The following KCNJ6 variants were observed in gnomAD, a reference collection of about 807,000 sequenced individuals.
KCNJ6 encodes the protein potassium inwardly rectifying channel subfamily J member 6, also known as G protein-activated inward rectifier potassium channel 2.
A neutral mutation model predicts 34.2 loss-of-function variants in KCNJ6; 9 were observed. The observed-to-expected ratio is 0.26, with a 90% confidence interval of 0.16 to 0.46. The LOEUF (loss-of-function observed/expected upper bound fraction) is 0.46. KCNJ6 is among the 20% of genes least tolerant of loss of function. The pLI is 1.00. For missense variants in KCNJ6, 236 were observed against 531.3 expected (o/e 0.44, Z 5.46); for synonymous variants, 196 against 207.1 (o/e 0.95, Z 0.46).
rs1401150065 is a variant in KCNJ6 at position 37,608,579 on chromosome 21, A to G, written c.*16580T>C. On this transcript the variant is annotated 3_prime_UTR_variant, in exon 4 of 4. Transcript: ENST00000609713. ...GCAGAAACTGATCTACTTTCTTTAC[A>G]TTCCAGCAAATTTGTTGTGCCTGTC... 1.3e-5 allele frequency: 2 copies of G among 152,196 alleles called. No homozygotes were observed. The highest frequency in any genetic ancestry group is 2.9e-5 in the Non-Finnish European group (2 of 68,038). The allele number at this position is 152,196 out of a possible 1,614,324, so 9.4% of individuals were successfully genotyped here. A position where few individuals can be genotyped will look rare whatever the true frequency, so the allele number is the denominator to read the frequency against.
intron 2 of KCNJ6, among the ~76,000 whole-genome samples, chr21:37,755,215 C>G (rs2055018011): frequency 2.0e-5 from 3 of 151,808 alleles, no homozygotes; most frequent in Non-Finnish European, 4.4e-5. Context: ...GAAATAGAAT[C>G]AAAAGGAACT....
At chr21:37,753,047 C>T (rs1036747590) in intron 2 of KCNJ6, among the ~76,000 whole-genome samples, 1 of 152,182 alleles carries the variant, frequency 6.6e-6, no homozygotes, top group Non-Finnish European at 1.5e-5. Context: ...GCAGGGAACA[C>T]AGGGAAGGCC....
intron 1 of KCNJ6, among the ~76,000 whole-genome samples, chr21:37,912,817 T>A (rs192721531): frequency 3.3e-5 from 5 of 152,318 alleles, no homozygotes. Context: ...TCCTGAGTGC[T>A]CAGCATGCAA....
chr21:37,616,308 G>A lies in KCNJ6; in HGVS notation c.*8851C>T, dbSNP rs1234256640. 2 of 152,042 alleles carry A rather than the reference G, an allele frequency of 1.3e-5. No homozygotes were observed. The highest frequency in any genetic ancestry group is 2.9e-5 in the Non-Finnish European group (2 of 68,032). The allele number at this position is 152,042 out of a possible 1,614,324, so 9.4% of individuals were successfully genotyped here. On this transcript the variant is annotated 3_prime_UTR_variant, in exon 4 of 4. Coordinates refer to ENST00000609713, the MANE Select transcript of KCNJ6 (RefSeq NM_002240.5). Reference sequence around the variant, plus strand: ...GACACTTGGGGAGTCAATCATTTTGGAATCCTATGAACTTGTGAGTTCACT... The same window carrying A: ...GACACTTGGGGAGTCAATCATTTTGAAATCCTATGAACTTGTGAGTTCACT...
At chr21:37,843,894 T>C (rs1374260593) in intron 1 of KCNJ6, among the ~76,000 whole-genome samples, 2 of 152,158 alleles carry the variant, frequency 1.3e-5, no homozygotes, top group African/African-American at 4.8e-5. Flanking sequence ...AGTGTTGAAG[T>C]TTCCTAGATT....
At chr21:37,858,386 C>G (rs2055575894) in intron 1 of KCNJ6, among the ~76,000 whole-genome samples, 2 of 92,898 alleles carry the variant, frequency 2.2e-5, no homozygotes, top group Non-Finnish European at 1.9e-5. Context: ...GAGCAAGACT[C>G]CGTCTCAAAA....
At chr21:37,783,765 C>G (rs1315267448) in intron 2 of KCNJ6, among the ~76,000 whole-genome samples, 1 of 152,150 alleles carries the variant, frequency 6.6e-6, no homozygotes. Context: ...GATGGGGCCC[C>G]TAAGAAGGGA....
intron 2 of KCNJ6, among the ~76,000 whole-genome samples, chr21:37,806,806 G>A (rs2055295697): frequency 6.6e-6 from 1 of 152,104 alleles, no homozygotes; most frequent in Non-Finnish European, 1.5e-5. Flanking sequence ...GCTGAGATGA[G>A]TAATATAACC....
At chr21:37,710,522 T>TA (rs1208045800) in intron 3 of KCNJ6, among the ~76,000 whole-genome samples, 2 of 152,170 alleles carry the variant, frequency 1.3e-5, no homozygotes, top group African/African-American at 4.8e-5. Flanking sequence ...CCAAAAGGCT[T>TA]AACGGGGACT....
At chr21:37,831,360 T>C (rs116481520) in intron 2 of KCNJ6, among the ~76,000 whole-genome samples, 2,103 of 152,308 alleles carry the variant, frequency 0.014, 58 homozygotes, top group African/African-American at 0.048. Context: ...ACTGCACTAA[T>C]GTGATGAAGA....
rs528591729 is a variant in KCNJ6 at position 37,817,192 on chromosome 21, C to T, written c.25+23466G>A. The stretch of plus-strand genomic sequence containing the variant: ...AGAACAAAAATGGCTCTTAGAATCA[C>T]GGCGAGGTGCTACAGCATGGAGGTT... On this transcript the variant is annotated intron_variant, in intron 2 of 3. Transcript: ENST00000609713. 2.7e-4 allele frequency among the ~76,000 whole-genome samples: 41 copies of T among 152,260 alleles called. No individual in the cohort carries two copies. In the South Asian group the frequency reaches 3.1e-3, roughly 12 times the overall value.
chr21:37,757,959 G>A (rs977328867), intron 2 of KCNJ6, among the ~76,000 whole-genome samples: 1 of 152,236 alleles, frequency 6.6e-6, no homozygotes, highest in Non-Finnish European at 1.5e-5. Flanking sequence ...TTTCCAGCAG[G>A]TGTCCCTGCA....
chr21:37,712,340 C>T (rs2054757252), intron 3 of KCNJ6, among the ~76,000 whole-genome samples: 1 of 152,094 alleles, frequency 6.6e-6, no homozygotes, highest in Admixed American at 6.6e-5. Flanking sequence ...AGCTCTGTGG[C>T]CGCTAGGGGG....
At chr21:37,638,013 A>C (rs1265131244) in intron 3 of KCNJ6, among the ~76,000 whole-genome samples, 3 of 152,230 alleles carry the variant, frequency 2.0e-5, no homozygotes, top group Non-Finnish European at 4.4e-5. Flanking sequence ...TGGCAGCCTA[A>C]GCAGACAAGT....
intron 2 of KCNJ6, among the ~76,000 whole-genome samples, chr21:37,838,321 C>T (rs535963918): frequency 6.6e-6 from 1 of 152,142 alleles, no homozygotes; most frequent in African/African-American, 2.4e-5. Context: ...ATAAAAATAG[C>T]TTTATCAGAA....
At position 37,609,016 on chromosome 21, in the gene KCNJ6, C is replaced by T. The variant is rs748347577; in HGVS notation, c.*16143G>A. On this transcript the variant is annotated 3_prime_UTR_variant, in exon 4 of 4. Transcript: ENST00000609713. ...AGTGTGTGCCTGCTCCCAGCATTGA[C>T]GAGCTTCATGAACCTTGAAAATGGA... 8 of 152,162 alleles carry T rather than the reference C, an allele frequency of 5.3e-5. No homozygotes were observed. Among genetic ancestry groups the T allele is most frequent in the African/African-American group, 1.7e-4 (7 of 41,426 alleles). The allele number at this position is 152,162 out of a possible 1,614,324, so 9.4% of individuals were successfully genotyped here.
chr21:37,661,359 G>A (rs2054487226), intron 3 of KCNJ6, among the ~76,000 whole-genome samples: 1 of 152,132 alleles, frequency 6.6e-6, no homozygotes, highest in South Asian at 2.1e-4. Flanking sequence ...AACTTTCCAT[G>A]ATTAATCAGC....
chr21:37,876,817 C>T (rs1030283049), intron 1 of KCNJ6, among the ~76,000 whole-genome samples: 1 of 152,084 alleles, frequency 6.6e-6, no homozygotes, highest in Admixed American at 6.6e-5. Context: ...TAATGTAATA[C>T]ATGAAATCAC....
chr21:37,850,360 C>T, intron 1 of KCNJ6, among the ~76,000 whole-genome samples: 1 of 152,030 alleles, frequency 6.6e-6, no homozygotes, highest in East Asian at 1.9e-4. Flanking sequence ...GGGACTGGGC[C>T]ACACAGCATG....
Sources: gnomAD v4.1 joint callset for allele counts (sites outside exome capture counted in the v4.1 genomes callset) on GRCh38, gnomAD v4.1.1 for gene constraint, MANE v1.5 for transcripts, NCBI Gene and HGNC (gene_info 2026-07-23, HGNC 2026-07-21) for gene names.